Variants in CDK15 observed in about 807,000 individuals in gnomAD.
CDK15 encodes the protein cyclin dependent kinase 15.
Under a neutral mutation model 60.3 loss-of-function variants are expected in CDK15, and 62 were observed. The ratio of observed to expected loss-of-function variants is 1.03; its 90% CI spans 0.84 to 1.27. CDK15 has a LOEUF of 1.27. CDK15 is among the 50% of genes most tolerant of loss of function. The pLI is 0.00. For synonymous variants in CDK15, 194 were observed against 195.7 expected (o/e 0.99, Z 0.07); for missense variants, 541 against 527.8 (o/e 1.03, Z -0.25).
At chr2:201,828,392 G>T (rs1696603530) in intron 6 of CDK15, among the ~76,000 whole-genome samples, 1 of 152,000 alleles carries the variant, frequency 6.6e-6, no homozygotes, top group South Asian at 2.1e-4. Flanking sequence ...AAGAGGAACA[G>T]GAAATGAAGG....
intron 8 of CDK15, among the ~76,000 whole-genome samples, chr2:201,840,276 A>G (rs538186683): frequency 6.6e-6 from 1 of 152,280 alleles, no homozygotes; most frequent in African/African-American, 2.4e-5. Context: ...CGCCTGGCCA[A>G]GTACCCATTT....
At chr2:201,860,976 T>C in intron 10 of CDK15, 1 of 1,220,716 alleles carries the variant, frequency 8.2e-7, no homozygotes, top group South Asian at 1.5e-5. Context: ...CTGTGTTTGC[T>C]GTGAGCACAA....
At chr2:201,854,823 C>T in intron 9 of CDK15, 51 bp from the exon 10 acceptor site, 3 of 1,519,082 alleles carry the variant, frequency 2.0e-6, no homozygotes, top group Admixed American at 1.7e-5. Flanking sequence ...CTCTTCCATC[C>T]ACCTCATCTC....
chr2:201,807,993 T>C, intron 3 of CDK15, 41 bp downstream of exon 3: 1 of 1,523,052 alleles, frequency 6.6e-7, no homozygotes, highest in East Asian at 2.3e-5. Context: ...GAGATGAGAG[T>C]CCCGCCCCCC....
rs201611168 is a variant in CDK15, at chr2:201,822,868, A to G, written c.508A>G (p.Thr170Ala). 3 of 1,612,780 alleles carry G rather than the reference A, an allele frequency of 1.9e-6. No individual in the cohort carries two copies. The East Asian group carries it at 6.7e-5, about 36-fold the overall frequency. The change falls in exon 5 of 14, where the codon ACC becomes GCC. Residue 170 changes from threonine to alanine, a missense_variant. Physicochemically the swap from Thr to Ala is moderately conservative, Grantham distance 58. Transcript: ENST00000652192. ...TGTGCTCCTGCATGACATAATCCAC[A>G]CCAAAGAGACACTGACATTCGTTTT... Reference protein sequence around the residue: ...NIVLLHDIIHTKETLTFVFEY... With the variant: ...NIVLLHDIIHAKETLTFVFEY...
intron 11 of CDK15, among the ~76,000 whole-genome samples, chr2:201,875,023 A>G (rs1470299846): frequency 2.0e-5 from 3 of 151,378 alleles, no homozygotes; most frequent in Admixed American, 1.3e-4. Context: ...TGTGCTAGGA[A>G]ATCAAAACTG....
At chr2:201,845,657 A>C (rs1453049791) in intron 8 of CDK15, among the ~76,000 whole-genome samples, 1 of 151,808 alleles carries the variant, frequency 6.6e-6, no homozygotes, top group Non-Finnish European at 1.5e-5. Flanking sequence ...TGTAATAAAC[A>C]CATATGAATA....
chr2:201,840,711 C>T (rs755022722), intron 8 of CDK15, among the ~76,000 whole-genome samples: 24 of 152,110 alleles, frequency 1.6e-4, no homozygotes, highest in Admixed American at 5.2e-4. Context: ...GATGTCATTC[C>T]CCTTCTTTGT....
rs770267210 is a variant in CDK15 at position 201,847,450 on chromosome 2, T to C, written c.921T>C (p.Leu307=). ...TGTTTCCTGGGGTTTCCAACATCCT[T>C]GAACAGCTGGAGAAAATCTGGGAGG... ...QPLFPGVSNI[L]EQLEKIWEVL... is the part of the protein sequence containing the mutation. The change falls in exon 9 of 14, where the codon CTT becomes CTC. Residue 307 remains leucine, a synonymous_variant. Coordinates refer to ENST00000652192, the MANE Select transcript of CDK15 (RefSeq NM_001366386.2). 5 of 1,614,050 alleles carry C rather than the reference T, an allele frequency of 3.1e-6. No homozygotes were observed. In the South Asian group the frequency reaches 4.4e-5, roughly 14 times the overall value.
chr2:201,846,269 G>A (rs779834210), intron 8 of CDK15, among the ~76,000 whole-genome samples: 2 of 152,078 alleles, frequency 1.3e-5, no homozygotes, highest in African/African-American at 4.8e-5. Context: ...GAGGTGGGTG[G>A]ATCACTTGAG....
intron 12 of CDK15, among the ~76,000 whole-genome samples, chr2:201,887,729 G>A (rs1301484608): frequency 2.0e-5 from 3 of 152,220 alleles, no homozygotes; most frequent in Non-Finnish European, 4.4e-5. Flanking sequence ...TAAAAGGAAA[G>A]ATCATCTGCT....
At position 201,835,704 on chromosome 2, in the gene CDK15, G is replaced by C. The variant is rs1224713115; in HGVS notation, c.792G>C (p.Trp264Cys). 6.2e-7 allele frequency: 1 copy of C among 1,611,176 alleles called. No homozygotes were observed. The highest frequency in any genetic ancestry group is 1.1e-5 in the South Asian group (1 of 90,782). Residue 264 changes from tryptophan to cysteine, a missense_variant, in exon 8 of 14, where the codon TGG becomes TGC. Trp to Cys is a radical substitution (Grantham distance 215). Coordinates refer to ENST00000652192, the MANE Select transcript of CDK15 (RefSeq NM_001366386.2). Reference protein sequence around the residue: ...QTYSSEVVTLWYRPPDALLGA... With the variant: ...QTYSSEVVTLCYRPPDALLGA... The stretch of plus-strand genomic sequence containing the variant: ...ACTCTTCAGAAGTCGTGACCCTCTG[G>C]TACCGGCCCCCTGATGCTTTGCTGG...
chr2:201,811,231 A>G (rs886640959), intron 3 of CDK15, among the ~76,000 whole-genome samples: 8 of 150,928 alleles, frequency 5.3e-5, no homozygotes, highest in Non-Finnish European at 1.0e-4. Flanking sequence ...GCTCACTGCA[A>G]GCTCCGCCTC....
chr2:201,842,301 G>A (rs1697426878), intron 8 of CDK15, among the ~76,000 whole-genome samples: 1 of 152,140 alleles, frequency 6.6e-6, no homozygotes, highest in Non-Finnish European at 1.5e-5. Context: ...GTTCATCCAT[G>A]TCGTAGTACA....
At chr2:201,860,597 T>C (rs985004939) in intron 10 of CDK15, 3 of 839,824 alleles carry the variant, frequency 3.6e-6, no homozygotes, top group African/African-American at 1.8e-5. Flanking sequence ...GTTTTTCCAC[T>C]AGAAGAACGT....
chr2:201,831,332 T>A (rs925841046), intron 6 of CDK15, among the ~76,000 whole-genome samples: 3 of 152,304 alleles, frequency 2.0e-5, no homozygotes, highest in African/African-American at 7.2e-5. Context: ...GGAATTATTT[T>A]GTTCCCCCAA....
At chr2:201,823,764 G>T (rs1399519917) in intron 6 of CDK15, 37 bp downstream of exon 6, 10 of 1,575,586 alleles carry the variant, frequency 6.3e-6, no homozygotes, top group Non-Finnish European at 8.7e-6. Context: ...CTCCTGGCTT[G>T]CCCACAGAAG....
chr2:201,812,173 CAAAAA>C (rs56808760), intron 3 of CDK15, among the ~76,000 whole-genome samples: 1 of 96,816 alleles, frequency 1.0e-5, no homozygotes, highest in Admixed American at 1.2e-4. Context: ...GATTCTGTCT[CAAAAA>C]AAAAAAAAAA....
chr2:201,820,821 C>T (rs1004138989), intron 4 of CDK15, among the ~76,000 whole-genome samples: 1 of 152,166 alleles, frequency 6.6e-6, no homozygotes, highest in Admixed American at 6.5e-5. Flanking sequence ...CAAAGCAACA[C>T]ATTTGTCAAA....
Sources: allele counts gnomAD v4.1 joint callset (sites outside exome capture counted in the v4.1 genomes callset), GRCh38; gene constraint gnomAD v4.1.1; transcripts MANE v1.5; gene names NCBI Gene and HGNC (gene_info 2026-07-23, HGNC 2026-07-21).